Variants in EIF3H observed in about 807,000 individuals in gnomAD.
The protein encoded by EIF3H is eukaryotic translation initiation factor 3 subunit H.
Under a neutral mutation model 44.2 loss-of-function variants are expected in EIF3H, and 26 were observed. The observed-to-expected ratio is 0.59, with a 90% CI of 0.43 to 0.82. The LOEUF (loss-of-function observed/expected upper bound fraction) is 0.82, where lower values mean the gene tolerates loss of function less well. EIF3H is among the 40% of genes least tolerant of loss of function. The probability of loss-of-function intolerance (pLI) is 0.00; values close to 1 mark genes in which losing one functional copy is unlikely to be tolerated. For synonymous variants in EIF3H, 166 were observed against 151.9 expected (o/e 1.09, Z -0.68); for missense variants, 359 against 432.8 (o/e 0.83, Z 1.51).
At chr8:116,753,765 C>A (rs1167813507) in intron 1 of EIF3H, among the ~76,000 whole-genome samples, 2 of 152,164 alleles carry the variant, frequency 1.3e-5, no homozygotes, top group Admixed American at 1.3e-4. Flanking sequence ...TACCACTGCC[C>A]TGTGTTAGAT....
chr8:116,708,649 C>T (rs747439781), intron 2 of EIF3H, among the ~76,000 whole-genome samples: 13 of 152,074 alleles, frequency 8.5e-5, no homozygotes, highest in Middle Eastern at 3.4e-3. Flanking sequence ...AAAATCTTTC[C>T]GAATTCTCAA....
At chr8:116,739,505 C>G (rs1275479838) in intron 1 of EIF3H, among the ~76,000 whole-genome samples, 6 of 152,186 alleles carry the variant, frequency 3.9e-5, no homozygotes, top group Non-Finnish European at 8.8e-5. Flanking sequence ...AAAAAATTAG[C>G]CGGGCGTGGT....
At chr8:116,650,900 G>T (rs1813378728) in intron 5 of EIF3H, among the ~76,000 whole-genome samples, 1 of 152,092 alleles carries the variant, frequency 6.6e-6, no homozygotes, top group Non-Finnish European at 1.5e-5. Flanking sequence ...AAAGTGTTGG[G>T]ATTACAGCCA....
intron 1 of EIF3H, among the ~76,000 whole-genome samples, chr8:116,761,198 A>G (rs1815515796): frequency 6.6e-6 from 1 of 152,168 alleles, no homozygotes; most frequent in South Asian, 2.1e-4. Flanking sequence ...TAAAATGCCA[A>G]TGGAGAGCAC....
chr8:116,676,232 A>G (rs1813843745), intron 2 of EIF3H, among the ~76,000 whole-genome samples: 1 of 152,252 alleles, frequency 6.6e-6, no homozygotes, highest in South Asian at 2.1e-4. Flanking sequence ...ACTAATACTA[A>G]TGAGAGAAAG....
At chr8:116,740,711 C>T (rs1815115146) in intron 1 of EIF3H, among the ~76,000 whole-genome samples, 1 of 152,002 alleles carries the variant, frequency 6.6e-6, no homozygotes, top group Non-Finnish European at 1.5e-5. Flanking sequence ...TTAGTAAAAG[C>T]TTAAACATGA....
At position 116,644,993 on chromosome 8, in the gene EIF3H, A is replaced by G. The variant is rs1215834715; in HGVS notation, c.*13T>C. The G allele has an allele frequency of 6.2e-7, 1 of 1,608,334 alleles. No homozygotes were observed. The highest frequency in any genetic ancestry group is 8.5e-7 in the Non-Finnish European group (1 of 1,175,248). On this transcript the variant is annotated 3_prime_UTR_variant, in exon 8 of 8. Coordinates refer to ENST00000521861, the MANE Select transcript of EIF3H (RefSeq NM_003756.3). ...GAGTTCATGTTAACTTCTTTTCTGGAAACTTCCTTTTCTTAGTTGTTGTAT... is the reference window on the plus strand; with the variant it reads ...GAGTTCATGTTAACTTCTTTTCTGGGAACTTCCTTTTCTTAGTTGTTGTAT...
chr8:116,674,531 A>G (rs1471010214), intron 2 of EIF3H, among the ~76,000 whole-genome samples: 1 of 152,136 alleles, frequency 6.6e-6, no homozygotes, highest in Non-Finnish European at 1.5e-5. Context: ...TGAATCAGGG[A>G]TTTTCCATTA....
chr8:116,692,456 T>C (rs528280274), intron 2 of EIF3H, among the ~76,000 whole-genome samples: 1 of 152,348 alleles, frequency 6.6e-6, no homozygotes, highest in East Asian at 1.9e-4. Flanking sequence ...AATCTTCTAA[T>C]TTAGAGAAAA....
chr8:116,712,578 A>C (rs1182575132), intron 2 of EIF3H, among the ~76,000 whole-genome samples: 1 of 152,222 alleles, frequency 6.6e-6, no homozygotes, highest in Non-Finnish European at 1.5e-5. Context: ...TTACTGGTAG[A>C]AAAAAGCATT....
chr8:116,675,242 T>C (rs1813830465), intron 2 of EIF3H, among the ~76,000 whole-genome samples: 1 of 152,208 alleles, frequency 6.6e-6, no homozygotes, highest in Non-Finnish European at 1.5e-5. Flanking sequence ...TTCAGACATA[T>C]GTCACTGAAA....
rs1813253995 is a variant in EIF3H at position 116,643,491 on chromosome 8, T to C, written c.*1515A>G. On this transcript the variant is annotated 3_prime_UTR_variant, in exon 8 of 8. Coordinates refer to ENST00000521861, the MANE Select transcript of EIF3H (RefSeq NM_003756.3). ...TCCTGGAAGGGGTGCCTAGAATGCC[T>C]CCCTCATCATAAATACAGGCTGAGT... is the stretch of plus-strand genomic sequence containing the variant. 1 of 152,106 alleles carries C rather than the reference T, an allele frequency of 6.6e-6. No individual in the cohort carries two copies. 9.4% of individuals were successfully genotyped at this position (152,106 alleles called of 1,614,324 possible). A position where few individuals can be genotyped will look rare whatever the true frequency, so the allele number is the denominator to read the frequency against.
chr8:116,734,617 A>G lies in EIF3H; in HGVS notation c.133-8445T>C, dbSNP rs182806739. 1.2e-4 allele frequency among the ~76,000 whole-genome samples: 19 copies of G among 152,292 alleles called. No individual in the cohort carries two copies. In the East Asian group the frequency reaches 3.1e-3, roughly 25 times the overall value. ...GTCACACAGGCTGGAGTGCAGTGGC[A>G]TGATCCCAACTCACTGCAACCTCTG... On this transcript the variant is annotated intron_variant, in intron 1 of 7. Transcript: ENST00000521861.
At chr8:116,670,562 C>T (rs1813735633) in intron 2 of EIF3H, among the ~76,000 whole-genome samples, 2 of 152,218 alleles carry the variant, frequency 1.3e-5, no homozygotes, top group African/African-American at 4.8e-5. Context: ...CAGACTATTA[C>T]TTTCCAGGGT....
chr8:116,760,454 AAG>A (rs1303786758), upstream of EIF3H, among the ~76,000 whole-genome samples: 1 of 152,252 alleles, frequency 6.6e-6, no homozygotes, highest in African/African-American at 2.4e-5. Flanking sequence ...AGCCAATAAA[AAG>A]AAAATAATAT....
intron 2 of EIF3H, among the ~76,000 whole-genome samples, chr8:116,674,322 G>GGT (rs1427240907): frequency 8.2e-6 from 1 of 122,520 alleles, no homozygotes; most frequent in African/African-American, 4.4e-5. Context: ...GGGTGGAGGT[G>GGT]GGGGGGGGTG....
intron 2 of EIF3H, among the ~76,000 whole-genome samples, chr8:116,721,845 C>T (rs1814752090): frequency 6.6e-6 from 1 of 152,200 alleles, no homozygotes; most frequent in Non-Finnish European, 1.5e-5. Context: ...ATGCCTGTAC[C>T]CCCATCATAT....
chr8:116,674,972 T>C (rs1813821765), intron 2 of EIF3H, among the ~76,000 whole-genome samples: 1 of 152,228 alleles, frequency 6.6e-6, no homozygotes, highest in Admixed American at 6.5e-5. Flanking sequence ...AAGTGCTACT[T>C]TGAACACTGC....
chr8:116,726,198 G>GCT (rs770556018), intron 1 of EIF3H, 26 bp from the exon 2 acceptor site: 1 of 1,582,546 alleles, frequency 6.3e-7, no homozygotes, highest in Non-Finnish European at 8.6e-7. Context: ...ACAGAAGGGA[G>GCT]CTTAACAACC....
Sources: gnomAD v4.1 joint callset for allele counts (sites outside exome capture counted in the v4.1 genomes callset) on GRCh38, gnomAD v4.1.1 for gene constraint, MANE v1.5 for transcripts, NCBI Gene and HGNC (gene_info 2026-07-23, HGNC 2026-07-21) for gene names.